PRSS23: variants seen among roughly 807,000 people sequenced by gnomAD.
PRSS23 encodes the protein protease, serine 23.
Under a neutral mutation model 34.7 loss-of-function variants are expected in PRSS23, and 25 were observed. The observed-to-expected ratio is 0.72, with a 90% CI of 0.53 to 1.01. The LOEUF (loss-of-function observed/expected upper bound fraction) is 1.01. Ranked by LOEUF, PRSS23 falls within the 50% of genes least tolerant of loss-of-function variation. PRSS23 has a pLI of 0.00. For synonymous variants in PRSS23, 176 were observed against 186.6 expected (o/e 0.94, Z 0.46); for missense variants, 445 against 475.6 (o/e 0.94, Z 0.60).
chr11:86,795,543 G>A (rs980507812), upstream of PRSS23, among the ~76,000 whole-genome samples: 33 of 152,220 alleles, frequency 2.2e-4, no homozygotes, highest in African/African-American at 7.0e-4. Context: ...TCATCTTCCC[G>A]TAAGGATTAC....
At chr11:86,888,110 T>G (rs79113824) in intron 2 of PRSS23, among the ~76,000 whole-genome samples, 1 of 109,846 alleles carries the variant, frequency 9.1e-6, no homozygotes, top group Non-Finnish European at 1.9e-5. Flanking sequence ...ATCAAGTTGG[T>G]TTTTTTTAAA....
intron 2 of PRSS23, among the ~76,000 whole-genome samples, chr11:86,944,141 T>C (rs545588153): frequency 6.6e-6 from 1 of 152,226 alleles, no homozygotes; most frequent in Non-Finnish European, 1.5e-5. Context: ...GCCTCTCTCC[T>C]GGCTGGTGGT....
rs1396273026 is a variant in PRSS23 at position 86,809,824 on chromosome 11, C to G, written c.*1029C>G. 2 of 166,982 alleles carry G rather than the reference C, an allele frequency of 1.2e-5. No homozygotes were observed. 10.3% of individuals were successfully genotyped at this position (166,982 alleles called of 1,614,324 possible). ...AACAGAATAACCACTTGTTTGGAGC[C>G]TGGCACAGTCCTCCAGCCTGATCAA... is the stretch of plus-strand genomic sequence containing the variant. On this transcript the variant is annotated 3_prime_UTR_variant, in exon 2 of 2. Coordinates refer to ENST00000280258, the MANE Select transcript of PRSS23 (RefSeq NM_007173.6).
chr11:86,935,198 G>A (rs1949153242), intron 2 of PRSS23: 1 of 152,230 alleles, frequency 6.6e-6, no homozygotes, highest in Admixed American at 6.5e-5. Flanking sequence ...TAAGTCACCT[G>A]ACTTCTCTAG....
upstream of PRSS23, chr11:86,800,138 T>TA (rs1948011736): frequency 6.6e-6 from 1 of 152,246 alleles, no homozygotes; most frequent in East Asian, 1.9e-4. Flanking sequence ...GACCTGGTCT[T>TA]TTTGCGAGCT....
At chr11:86,834,487 G>C (rs1457225610) in intron 2 of PRSS23, among the ~76,000 whole-genome samples, 1 of 150,534 alleles carries the variant, frequency 6.6e-6, no homozygotes, top group Non-Finnish European at 1.5e-5. Flanking sequence ...TTCAATATCT[G>C]CTTGGTGATT....
intron 2 of PRSS23, among the ~76,000 whole-genome samples, chr11:86,897,629 G>A (rs1393992167): frequency 2.7e-5 from 4 of 150,854 alleles, no homozygotes; most frequent in Non-Finnish European, 5.9e-5. Flanking sequence ...TGCACCCCTG[G>A]CTAGTTTTTT....
At chr11:86,936,628 G>A (rs10898561) in intron 2 of PRSS23, 95,009 of 151,846 alleles carry the variant, frequency 0.63, 30,216 homozygotes, top group Non-Finnish European at 0.69. Context: ...GTTTTGCTCC[G>A]TGTGATGGTT....
At chr11:86,859,346 C>A (rs1407488601) in intron 2 of PRSS23, among the ~76,000 whole-genome samples, 1 of 151,832 alleles carries the variant, frequency 6.6e-6, no homozygotes, top group Non-Finnish European at 1.5e-5. Context: ...GTTTCTAATA[C>A]CCGTTGCAGG....
rs1235439094 is a variant in PRSS23 at position 86,879,202 on chromosome 11, C to T, written c.206+55609C>T. Among the ~76,000 whole-genome samples the T allele has an allele frequency of 1.5e-3, 218 of 148,994 alleles. 3 individuals carry two copies. Among genetic ancestry groups the T allele is most frequent in the African/African-American group, 5.3e-3 (213 of 40,128 alleles). ...GGAGCGTCTCTGCCCGGCGGCCCAT[C>T]ATCTGAGATGTGGGGAGCGCCTCTG... On this transcript the variant is annotated intron_variant, in intron 2 of 2. Coordinates refer to the PRSS23 transcript ENST00000533902.
intron 2 of PRSS23, among the ~76,000 whole-genome samples, chr11:86,835,795 G>A (rs1459954592): frequency 6.6e-6 from 1 of 152,180 alleles, no homozygotes; most frequent in Non-Finnish European, 1.5e-5. Flanking sequence ...GTAGCCACAG[G>A]TAGTGAGGAA....
At chr11:86,875,184 G>A (rs1480684363) in intron 2 of PRSS23, among the ~76,000 whole-genome samples, 1 of 152,166 alleles carries the variant, frequency 6.6e-6, no homozygotes, top group Non-Finnish European at 1.5e-5. Flanking sequence ...ACCTTATGAT[G>A]AGAAAGAATT....
chr11:86,869,852 C>T (rs991631131), intron 2 of PRSS23, among the ~76,000 whole-genome samples: 1 of 152,194 alleles, frequency 6.6e-6, no homozygotes, highest in Admixed American at 6.5e-5. Flanking sequence ...GCAAGAGCTA[C>T]ATATCTTTCA....
At chr11:86,842,425 C>T (rs1340295405) in intron 2 of PRSS23, among the ~76,000 whole-genome samples, 2 of 152,202 alleles carry the variant, frequency 1.3e-5, no homozygotes, top group Non-Finnish European at 2.9e-5. Context: ...GTTGGAATTT[C>T]TGGCTAGTGC....
chr11:86,907,238 A>C (rs1213260569), intron 2 of PRSS23, among the ~76,000 whole-genome samples: 1 of 152,188 alleles, frequency 6.6e-6, no homozygotes, highest in Non-Finnish European at 1.5e-5. Flanking sequence ...ATAATGTTGG[A>C]CATATGCCTA....
rs150099680 is a variant in PRSS23 at position 86,884,232 on chromosome 11, T to C, written c.206+60639T>C. On this transcript the variant is annotated intron_variant, in intron 2 of 2. Coordinates refer to the PRSS23 transcript ENST00000533902. ...CTGTTACATCTATCGCCATTTGGCC[T>C]ATAGTTTTTGACCCTTCCAATTCAC... Among the ~76,000 whole-genome samples the C allele has an allele frequency of 6.8e-3, 1,039 of 152,314 alleles. 9 individuals carry two copies. Among genetic ancestry groups the C allele is most frequent in the Non-Finnish European group, 0.012 (789 of 68,024 alleles).
At chr11:86,907,264 C>T (rs1345650058) in intron 2 of PRSS23, among the ~76,000 whole-genome samples, 5 of 152,090 alleles carry the variant, frequency 3.3e-5, no homozygotes, top group Non-Finnish European at 4.4e-5. Context: ...AAAAACTGTT[C>T]GCTGTAGCAT....
rs975466565 is a variant in PRSS23, at chr11:86,846,717, A to G, written c.206+23124A>G. ...TCATCTTGTAAGCAAGGTTATTCCC[A>G]CTAGACAGGATCAAGATTCCCTATT... On this transcript the variant is annotated intron_variant, in intron 2 of 2. Coordinates refer to the PRSS23 transcript ENST00000533902. Among the ~76,000 whole-genome samples, 4 of 152,102 alleles carry G rather than the reference A, an allele frequency of 2.6e-5. No homozygotes were observed. In the South Asian group the frequency reaches 8.3e-4, roughly 32 times the overall value.
chr11:86,859,445 T>C lies in PRSS23; in HGVS notation c.206+35852T>C, dbSNP rs954596532. The stretch of plus-strand genomic sequence containing the variant: ...TATCCAAAGGGGAAGAGGCTTATAT[T>C]ACTCCCAATATCGTAGAAAGTGTAT... On this transcript the variant is annotated intron_variant, in intron 2 of 2. Coordinates refer to the PRSS23 transcript ENST00000533902. Among the ~76,000 whole-genome samples, 5 of 152,078 alleles carry C rather than the reference T, an allele frequency of 3.3e-5. No individual in the cohort carries two copies. The East Asian group carries it at 5.8e-4, about 18-fold the overall frequency.
Sources: allele counts gnomAD v4.1 joint callset (sites outside exome capture counted in the v4.1 genomes callset), GRCh38; gene constraint gnomAD v4.1.1; transcripts MANE v1.5; gene names NCBI Gene and HGNC (gene_info 2026-07-23, HGNC 2026-07-21).